EFNB2: variants seen among roughly 807,000 people sequenced by gnomAD.
EFNB2 encodes ephrin-B2.
In EFNB2, 5 loss-of-function variants were observed where a neutral mutation model predicts 32.1. The ratio of observed to expected loss-of-function variants is 0.16; its 90% CI spans 0.08 to 0.33. EFNB2 has a LOEUF of 0.33. Ranked by LOEUF, EFNB2 falls within the 10% of genes least tolerant of loss-of-function variation. The pLI is 1.00. For missense variants in EFNB2, 263 were observed against 422.6 expected, an observed-to-expected ratio of 0.62 and a Z score of 3.31; for synonymous variants, 168 against 166.5, an observed-to-expected ratio of 1.01 and a Z score of -0.07.
At chr13:106,503,741 C>G (rs1878859379) in intron 2 of EFNB2, among the ~76,000 whole-genome samples, 1 of 151,872 alleles carries the variant, frequency 6.6e-6, no homozygotes, top group Non-Finnish European at 1.5e-5. Context: ...TGTATATAAG[C>G]CCCCAATAAA....
intron 1 of EFNB2, among the ~76,000 whole-genome samples, chr13:106,529,235 C>T (rs1262811866): frequency 6.6e-6 from 1 of 152,108 alleles, no homozygotes; most frequent in Non-Finnish European, 1.5e-5. Flanking sequence ...CCCAGCCCTA[C>T]CTATCCCCTC....
At chr13:106,517,677 T>C (rs1251239143) in intron 1 of EFNB2, 3 of 152,148 alleles carry the variant, frequency 2.0e-5, no homozygotes, top group Non-Finnish European at 4.4e-5. Context: ...TGAGTGGAAA[T>C]AGGCAACTCC....
At chr13:106,531,926 G>A (rs1034781275) in intron 1 of EFNB2, among the ~76,000 whole-genome samples, 2 of 152,000 alleles carry the variant, frequency 1.3e-5, no homozygotes, top group Non-Finnish European at 2.9e-5. Flanking sequence ...TCACATTAAA[G>A]TAAAATTAAT....
intron 3 of EFNB2, among the ~76,000 whole-genome samples, chr13:106,495,498 T>TTATCTATC (rs66616530): frequency 6.9e-5 from 10 of 144,904 alleles, no homozygotes; most frequent in Non-Finnish European, 8.9e-5. Context: ...TATCTATCTA[T>TTATCTATC]TATCTATCTA....
At position 106,535,004 on chromosome 13, in the gene EFNB2, AG is replaced by A. The variant is rs1458709845; in HGVS notation, c.-41del. The A allele has an allele frequency of 1.2e-6, 2 of 1,610,210 alleles. No homozygotes were observed. The highest frequency in any genetic ancestry group is 8.5e-7 in the Non-Finnish European group (1 of 1,178,222). On this transcript the variant is annotated 5_prime_UTR_variant, in exon 1 of 5. Coordinates refer to ENST00000646441, the MANE Select transcript of EFNB2 (RefSeq NM_004093.4). ...CAGCTCCGCGCACTCCGGGCCAAGA[AG>A]GGACTGACGGGACGCAGGCTGGGAC...
At chr13:106,519,329 G>A (rs1288256423) in intron 1 of EFNB2, 1 of 152,134 alleles carries the variant, frequency 6.6e-6, no homozygotes, top group Non-Finnish European at 1.5e-5. Flanking sequence ...AATTATGGCA[G>A]TTATCATGCA....
At position 106,492,998 on chromosome 13, in the gene EFNB2, T is replaced by G. The variant is rs758390429; in HGVS notation, c.*42A>C. 17 of 1,562,988 alleles carry G rather than the reference T, an allele frequency of 1.1e-5. No individual in the cohort carries two copies. The Admixed American group carries it at 2.1e-4, about 19-fold the overall frequency. On this transcript the variant is annotated 3_prime_UTR_variant, in exon 5 of 5. Transcript: ENST00000646441. The surrounding 1 kb of genome is among the most constrained non-coding windows in gnomAD (Gnocchi z 5.1). ...ACCCTCAAGGGAGGCATCGGGACAT[T>G]AGGTGTCCTCTGGGAAAGCACAGGT...
chr13:106,527,677 C>G (rs1195249774), intron 1 of EFNB2, among the ~76,000 whole-genome samples: 1 of 152,202 alleles, frequency 6.6e-6, no homozygotes, highest in Non-Finnish European at 1.5e-5. Context: ...GAAATAGGTT[C>G]GCCTGGCATT....
In EFNB2 at chr13:106,490,149, C is replaced by A. The variant is rs1878349984; in HGVS notation, c.*2891G>T. On this transcript the variant is annotated 3_prime_UTR_variant, in exon 5 of 5. Transcript: ENST00000646441. ...CATCTTGCTTAGACTTTATAAAAAACCAACATTGCTCTATGTACACAATCT... is the reference window on the plus strand; with the variant it reads ...CATCTTGCTTAGACTTTATAAAAAAACAACATTGCTCTATGTACACAATCT... 1 of 152,538 alleles carries A rather than the reference C, an allele frequency of 6.6e-6. No homozygotes were observed. The highest frequency in any genetic ancestry group is 1.5e-5 in the Non-Finnish European group (1 of 68,030). 9.4% of individuals were successfully genotyped at this position (152,538 alleles called of 1,614,324 possible).
In EFNB2 at chr13:106,492,843, G is replaced by A. The variant is rs1878455805; in HGVS notation, c.*197C>T. ...CACAGTCTTCCAGCTTCCAGGGAGC[G>A]TGTGTGTTCACCAAGGCCGAATGCT... is the stretch of plus-strand genomic sequence containing the variant. On this transcript the variant is annotated 3_prime_UTR_variant, in exon 5 of 5. Transcript: ENST00000646441. The surrounding 1 kb of genome is among the most constrained non-coding windows in gnomAD (Gnocchi z 5.1). 2.8e-5 allele frequency: 18 copies of A among 653,970 alleles called. No individual in the cohort carries two copies. The highest frequency in any genetic ancestry group is 1.8e-4 in the South Asian group (8 of 44,644). 40.5% of individuals were successfully genotyped at this position (653,970 alleles called of 1,614,324 possible).
intron 1 of EFNB2, among the ~76,000 whole-genome samples, chr13:106,527,966 A>G (rs1026330122): frequency 5.3e-5 from 8 of 152,212 alleles, no homozygotes; most frequent in South Asian, 2.1e-4. Context: ...GCGTTTGAAA[A>G]GCTGAAGGAG....
intron 4 of EFNB2, among the ~76,000 whole-genome samples, chr13:106,494,529 GATT>G (rs552705965): frequency 3.5e-3 from 529 of 152,324 alleles, no homozygotes; most frequent in African/African-American, 0.012. Context: ...TTAGATGAGG[GATT>G]AGCACATTAA....
intron 1 of EFNB2, among the ~76,000 whole-genome samples, chr13:106,531,283 G>GT (rs1412227177): frequency 6.6e-6 from 1 of 152,204 alleles, no homozygotes; most frequent in African/African-American, 2.4e-5. Flanking sequence ...ATGTTGTGAG[G>GT]TATCGCTTTA....
intron 2 of EFNB2, among the ~76,000 whole-genome samples, chr13:106,504,477 G>C (rs1318438102): frequency 1.3e-5 from 2 of 152,204 alleles, no homozygotes; most frequent in Non-Finnish European, 2.9e-5. Flanking sequence ...CTAGAGACCA[G>C]TAGTAACCCC....
At chr13:106,506,937 C>T (rs1371693345) in intron 2 of EFNB2, among the ~76,000 whole-genome samples, 1 of 152,156 alleles carries the variant, frequency 6.6e-6, no homozygotes, top group Non-Finnish European at 1.5e-5. Flanking sequence ...GACTCTCAAC[C>T]TAAGATGTTG....
At position 106,492,818 on chromosome 13, in the gene EFNB2, C is replaced by T; in HGVS notation, c.*222G>A. On this transcript the variant is annotated 3_prime_UTR_variant, in exon 5 of 5. Transcript: ENST00000646441. The surrounding 1 kb of genome is among the most constrained non-coding windows in gnomAD (Gnocchi z 5.1). ...CAGCAGTCCGAATGGGCGTCTTCTG[C>T]ACAGTCTTCCAGCTTCCAGGGAGCG... The T allele has an allele frequency of 1.7e-6, 1 of 571,454 alleles. No individual in the cohort carries two copies. Among genetic ancestry groups the T allele is most frequent in the Non-Finnish European group, 3.0e-6 (1 of 332,410 alleles). The allele number at this position is 571,454 out of a possible 1,614,324, so 35.4% of individuals were successfully genotyped here.
In EFNB2 at chr13:106,523,735, C is replaced by T. The variant is rs199648703; in HGVS notation, c.123-10923G>A. On this transcript the variant is annotated intron_variant, in intron 1 of 4. Coordinates refer to ENST00000646441, the MANE Select transcript of EFNB2 (RefSeq NM_004093.4). ...GATGGGCTGTACTGAATGAATCCAC[C>T]GGCAAGAAGCCAGAATCCCAGTTTG... Among the ~76,000 whole-genome samples, 21 of 152,284 alleles carry T rather than the reference C, an allele frequency of 1.4e-4. No homozygotes were observed. The East Asian group carries it at 2.1e-3, about 15-fold the overall frequency.
chr13:106,522,793 C>T (rs1474859743), intron 1 of EFNB2, among the ~76,000 whole-genome samples: 1 of 152,168 alleles, frequency 6.6e-6, no homozygotes, highest in African/African-American at 2.4e-5. Flanking sequence ...CAGCGAGGGG[C>T]TGCCATTCCT....
chr13:106,528,649 G>A (rs1170981355), intron 1 of EFNB2, among the ~76,000 whole-genome samples: 1 of 152,118 alleles, frequency 6.6e-6, no homozygotes. Context: ...CAAATAGGGG[G>A]CAATCGAGCA....
Sources: allele counts gnomAD v4.1 joint callset (sites outside exome capture counted in the v4.1 genomes callset), GRCh38; gene constraint gnomAD v4.1.1; non-coding constraint Gnocchi (gnomAD v3.1); transcripts MANE v1.5; gene names NCBI Gene and HGNC (gene_info 2026-07-23, HGNC 2026-07-21).